CNNM2: variants seen among roughly 807,000 people sequenced by gnomAD.
The protein encoded by CNNM2 is metal transporter CNNM2.
CNNM2 carries 12 observed loss-of-function variants against 66.9 expected under a neutral mutation model. That is an observed-to-expected ratio of 0.18 (90% CI 0.11 to 0.29). The LOEUF (loss-of-function observed/expected upper bound fraction) is 0.29, where lower values mean the gene tolerates loss of function less well. Among genes scored for constraint, CNNM2 ranks in the 10% least tolerant of loss-of-function variants. The pLI, the probability that CNNM2 is intolerant of heterozygous loss-of-function variation, is 1.00. For synonymous variants in CNNM2, 557 were observed against 501.8 expected, an observed-to-expected ratio of 1.11 and a Z score of -1.47; for missense variants, 705 against 1,167.7, an observed-to-expected ratio of 0.60 and a Z score of 5.77.
At chr10:103,076,064 G>T (rs1308217731) in intron 6 of CNNM2, 22 bp from the exon 7 acceptor site, 1 of 1,596,510 alleles carries the variant, frequency 6.3e-7, no homozygotes, top group South Asian at 1.1e-5. Flanking sequence ...TTAAACAGTT[G>T]GATTTTTCCC....
intron 1 of CNNM2, among the ~76,000 whole-genome samples, chr10:102,979,914 CTTTTT>C (rs1421740815): frequency 2.7e-5 from 4 of 150,048 alleles, no homozygotes; most frequent in Non-Finnish European, 5.9e-5. Context: ...TCTTTCTTTT[CTTTTT>C]ATTTTTTTTT....
At chr10:103,050,480 T>G (rs577294167) in intron 2 of CNNM2, among the ~76,000 whole-genome samples, 15 of 150,368 alleles carry the variant, frequency 1.0e-4, no homozygotes, top group African/African-American at 3.4e-4. Context: ...GAGGTTGCAG[T>G]GAGCCAAGAT....
At chr10:102,922,507 G>T (rs963325996) in intron 1 of CNNM2, among the ~76,000 whole-genome samples, 4 of 151,986 alleles carry the variant, frequency 2.6e-5, no homozygotes, top group Admixed American at 2.0e-4. Flanking sequence ...CGTATTAAAT[G>T]GTTTGAAGAC....
chr10:102,953,040 A>G (rs1846900071), intron 1 of CNNM2, among the ~76,000 whole-genome samples: 1 of 152,214 alleles, frequency 6.6e-6, no homozygotes, highest in Non-Finnish European at 1.5e-5. Flanking sequence ...CTACTTAACC[A>G]TTCTCTTAAG....
At chr10:102,997,795 G>T (rs2064032036) in intron 1 of CNNM2, among the ~76,000 whole-genome samples, 1 of 152,072 alleles carries the variant, frequency 6.6e-6, no homozygotes, top group Non-Finnish European at 1.5e-5. Flanking sequence ...AATTTTGTTT[G>T]CAGTCCCATT....
chr10:103,076,858 A>AT (rs2065700857), intron 7 of CNNM2, 113 bp from the exon 8 acceptor site: 1 of 956,528 alleles, frequency 1.0e-6, no homozygotes, highest in African/African-American at 1.6e-5. Flanking sequence ...CTCAAGTGTG[A>AT]TTTTCTCCTA....
rs146061219 is a variant in CNNM2 at position 102,942,977 on chromosome 10, C to A, written c.1621+22876C>A. On this transcript the variant is annotated intron_variant, in intron 1 of 7. Transcript: ENST00000369878. ...GGCTGGTTCACGCCTGTGATCCCAGCACTTTGGGAAGCTGATGGGGGTGGA... is the reference window on the plus strand; with the variant it reads ...GGCTGGTTCACGCCTGTGATCCCAGAACTTTGGGAAGCTGATGGGGGTGGA... Among the ~76,000 whole-genome samples, 235 of 152,270 alleles carry A rather than the reference C, an allele frequency of 1.5e-3. 1 individual carries two copies. Among genetic ancestry groups the A allele is most frequent in the African/African-American group, 5.4e-3 (225 of 41,574 alleles).
At chr10:103,042,166 A>G (rs2065052351) in intron 1 of CNNM2, among the ~76,000 whole-genome samples, 1 of 151,854 alleles carries the variant, frequency 6.6e-6, no homozygotes, top group African/African-American at 2.4e-5. Flanking sequence ...TGACTCTCTC[A>G]TTCTCCTCCA....
chr10:102,933,311 C>A (rs1298177184), intron 1 of CNNM2, among the ~76,000 whole-genome samples: 1 of 152,136 alleles, frequency 6.6e-6, no homozygotes, highest in African/African-American at 2.4e-5. Flanking sequence ...CCTTCAACAA[C>A]GTTTTGTAGT....
At chr10:103,068,864 C>T (rs546572525) in intron 5 of CNNM2, 142 bp downstream of exon 5, 43 of 628,488 alleles carry the variant, frequency 6.8e-5, no homozygotes, top group Middle Eastern at 4.2e-4. Context: ...ATCATATATG[C>T]AGAAAATCTG....
intron 4 of CNNM2, among the ~76,000 whole-genome samples, chr10:103,060,151 G>T (rs1449313249): frequency 6.6e-6 from 1 of 151,750 alleles, no homozygotes; most frequent in East Asian, 1.9e-4. Context: ...AAAGCTATGT[G>T]ACTCATAAAA....
At chr10:102,953,527 G>T (rs1311269234) in intron 1 of CNNM2, among the ~76,000 whole-genome samples, 1 of 151,964 alleles carries the variant, frequency 6.6e-6, no homozygotes, top group African/African-American at 2.4e-5. Context: ...CTCCCAAAGT[G>T]CTAGGATTAC....
chr10:103,084,133 A>G lies in CNNM2; in HGVS notation c.*6953A>G, dbSNP rs575869650. ...ACCCTCTGTGATCCATTCCTAAACC[A>G]CATCTTTTTGGAATCCCTTTTCTCT... On this transcript the variant is annotated 3_prime_UTR_variant, in exon 8 of 8. Transcript: ENST00000369878. 6.6e-6 allele frequency: 1 copy of G among 152,130 alleles called. No individual in the cohort carries two copies. The highest frequency in any genetic ancestry group is 2.1e-4 in the South Asian group (1 of 4,816). 9.4% of individuals were successfully genotyped at this position (152,130 alleles called of 1,614,324 possible). A position where few individuals can be genotyped will look rare whatever the true frequency, so the allele number is the denominator to read the frequency against.
chr10:103,051,852 T>C (rs2065218758), intron 2 of CNNM2, among the ~76,000 whole-genome samples: 1 of 152,242 alleles, frequency 6.6e-6, no homozygotes, highest in East Asian at 1.9e-4. Flanking sequence ...CACATCTGAA[T>C]AGCATTCTTA....
intron 1 of CNNM2, among the ~76,000 whole-genome samples, chr10:102,926,468 C>G (rs1342509591): frequency 6.6e-6 from 1 of 152,092 alleles, no homozygotes; most frequent in African/African-American, 2.4e-5. Context: ...ATTAGCAAAT[C>G]TAAACACAAT....
intron 1 of CNNM2, among the ~76,000 whole-genome samples, chr10:102,998,756 T>C (rs534274104): frequency 6.6e-6 from 1 of 152,196 alleles, no homozygotes; most frequent in Admixed American, 6.5e-5. Context: ...GCCAGTTGGA[T>C]TGCTTGAGAA....
Position 103,089,401 on chromosome 10 carries a change from C to T in CNNM2, c.*12221C>T, listed in dbSNP as rs770261274. On this transcript the variant is annotated 3_prime_UTR_variant, in exon 8 of 8. Transcript: ENST00000369878. ...ATGATTTTAAAAGTGTCACAAGCCA[C>T]AGTGGAGCCATATACATGCAGTTCA... The T allele has an allele frequency of 5.9e-6, 2 of 339,886 alleles. 1 individual carries two copies. 21.1% of individuals were successfully genotyped at this position (339,886 alleles called of 1,614,324 possible).
chr10:103,022,572 T>C (rs930861449), intron 1 of CNNM2, among the ~76,000 whole-genome samples: 2 of 152,188 alleles, frequency 1.3e-5, no homozygotes, highest in South Asian at 2.1e-4. Context: ...ACCATGGAAA[T>C]TGCCAAATGC....
At chr10:102,920,137 TTC>T in intron 1 of CNNM2, 36 bp downstream of exon 1, 1 of 1,614,138 alleles carries the variant, frequency 6.2e-7, no homozygotes, top group Non-Finnish European at 8.5e-7. Context: ...GGCTTGCTCT[TTC>T]TCTCTCCATC....
Sources: gnomAD v4.1 joint callset for allele counts (sites outside exome capture counted in the v4.1 genomes callset) on GRCh38, gnomAD v4.1.1 for gene constraint, MANE v1.5 for transcripts, NCBI Gene and HGNC (gene_info 2026-07-23, HGNC 2026-07-21) for gene names.